CNOT4: variants seen among roughly 807,000 people sequenced by gnomAD.
The protein encoded by CNOT4 is CCR4-NOT transcription complex subunit 4, also known as CCR4-associated factor 4.
A neutral mutation model predicts 73.8 loss-of-function variants in CNOT4; 8 were observed. The observed-to-expected ratio is 0.11, with a 90% CI of 0.06 to 0.20. CNOT4 has a LOEUF of 0.20. Among genes scored for constraint, CNOT4 ranks in the 10% least tolerant of loss-of-function variants. The pLI is 1.00. For synonymous variants in CNOT4, 293 were observed against 321.1 expected, an observed-to-expected ratio of 0.91 and a Z score of 0.94; for missense variants, 564 against 883.4, an observed-to-expected ratio of 0.64 and a Z score of 4.58.
At chr7:135,499,089 A>T (rs1350121783) in intron 1 of CNOT4, among the ~76,000 whole-genome samples, 1 of 152,214 alleles carries the variant, frequency 6.6e-6, no homozygotes, top group Non-Finnish European at 1.5e-5. Context: ...TGACATATTA[A>T]AAGATAGGGA....
chr7:135,411,643 C>T (rs544647591), intron 6 of CNOT4, among the ~76,000 whole-genome samples: 1 of 152,008 alleles, frequency 6.6e-6, no homozygotes, highest in African/African-American at 2.4e-5. Context: ...TTACTATTTG[C>T]ATGTATATCT....
At chr7:135,420,404 C>T (rs1056263173) in intron 3 of CNOT4, among the ~76,000 whole-genome samples, 10 of 151,696 alleles carry the variant, frequency 6.6e-5, no homozygotes, top group African/African-American at 2.2e-4. Flanking sequence ...TGGCAAAACC[C>T]CATCTCTGCA....
chr7:135,480,941 A>T (rs1471395098), intron 1 of CNOT4, among the ~76,000 whole-genome samples: 2 of 151,936 alleles, frequency 1.3e-5, no homozygotes, highest in African/African-American at 4.8e-5. Flanking sequence ...CCATATTAAA[A>T]AAATAGTCAA....
intron 9 of CNOT4, among the ~76,000 whole-genome samples, chr7:135,395,270 C>A (rs923154941): frequency 6.6e-6 from 1 of 151,862 alleles, no homozygotes; most frequent in Non-Finnish European, 1.5e-5. Flanking sequence ...ATCACTTGAA[C>A]CCAGGGTGTG....
intron 10 of CNOT4, among the ~76,000 whole-genome samples, chr7:135,381,750 A>G (rs2129482924): frequency 6.6e-6 from 1 of 152,296 alleles, no homozygotes; most frequent in East Asian, 1.9e-4. Flanking sequence ...TGCATCATAC[A>G]CTTTAAAATA....
chr7:135,470,103 G>A (rs112587216), intron 1 of CNOT4, among the ~76,000 whole-genome samples: 6 of 151,888 alleles, frequency 4.0e-5, no homozygotes, highest in South Asian at 4.2e-4. Flanking sequence ...GATTACAGGA[G>A]TGAGACACCG....
At chr7:135,394,561 A>G (rs1796578216) in intron 9 of CNOT4, 146 bp from the exon 10 acceptor site, 1 of 675,566 alleles carries the variant, frequency 1.5e-6, no homozygotes, top group Admixed American at 2.8e-5. Flanking sequence ...CATTAAGATC[A>G]TATAATTACA....
chr7:135,429,668 C>G (rs1336803767), intron 2 of CNOT4, among the ~76,000 whole-genome samples: 1 of 152,188 alleles, frequency 6.6e-6, no homozygotes, highest in Non-Finnish European at 1.5e-5. Context: ...CACTCTTCCA[C>G]TTCCAGCCAT....
chr7:135,455,240 C>A (rs1188165737), intron 1 of CNOT4, among the ~76,000 whole-genome samples: 1 of 151,198 alleles, frequency 6.6e-6, no homozygotes, highest in Non-Finnish European at 1.5e-5. Context: ...TACCAGTGCA[C>A]TCCAGCCTCG....
intron 7 of CNOT4, among the ~76,000 whole-genome samples, chr7:135,404,955 T>A (rs889333304): frequency 6.6e-6 from 1 of 152,164 alleles, no homozygotes; most frequent in Non-Finnish European, 1.5e-5. Context: ...AAACTACATA[T>A]AGTTATGGCA....
chr7:135,467,223 T>C (rs995909067), intron 1 of CNOT4, among the ~76,000 whole-genome samples: 1 of 152,226 alleles, frequency 6.6e-6, no homozygotes, highest in Non-Finnish European at 1.5e-5. Context: ...ATAAATTTAC[T>C]AAGCACTCTG....
intron 3 of CNOT4, among the ~76,000 whole-genome samples, chr7:135,415,919 T>C (rs1278610165): frequency 1.3e-5 from 2 of 152,134 alleles, no homozygotes; most frequent in Non-Finnish European, 2.9e-5. Flanking sequence ...ACACGTTTCT[T>C]TCTTTATTAC....
At chr7:135,467,360 T>C (rs1384830505) in intron 1 of CNOT4, among the ~76,000 whole-genome samples, 1 of 152,148 alleles carries the variant, frequency 6.6e-6, no homozygotes, top group Non-Finnish European at 1.5e-5. Context: ...GCCACTACTT[T>C]CCCCACCATC....
At chr7:135,505,333 T>C (rs1804293271) in intron 1 of CNOT4, among the ~76,000 whole-genome samples, 1 of 152,096 alleles carries the variant, frequency 6.6e-6, no homozygotes, top group South Asian at 2.1e-4. Flanking sequence ...GGCGGGCAGA[T>C]CACGAGGTCA....
chr7:135,498,976 T>G (rs1359105338), intron 1 of CNOT4, among the ~76,000 whole-genome samples: 1 of 152,220 alleles, frequency 6.6e-6, no homozygotes, highest in Admixed American at 6.5e-5. Context: ...GGCTAAAGGA[T>G]CTTTTAAAGG....
intron 7 of CNOT4, among the ~76,000 whole-genome samples, chr7:135,404,569 T>G (rs1336710839): frequency 6.6e-6 from 1 of 152,216 alleles, no homozygotes; most frequent in Non-Finnish European, 1.5e-5. Flanking sequence ...CTATGAACTA[T>G]GTCTTTTCTA....
chr7:135,398,119 G>T, intron 8 of CNOT4, 50 bp downstream of exon 8: 2 of 997,874 alleles, frequency 2.0e-6, no homozygotes, highest in Non-Finnish European at 3.2e-6. Flanking sequence ...GGAATACCTT[G>T]CTTTCGGAGT....
At chr7:135,475,288 G>A (rs866804590) in intron 1 of CNOT4, among the ~76,000 whole-genome samples, 5 of 152,004 alleles carry the variant, frequency 3.3e-5, no homozygotes, top group African/African-American at 9.7e-5. Context: ...CAAAAGAAAC[G>A]AAGATATTCT....
intron 1 of CNOT4, among the ~76,000 whole-genome samples, chr7:135,491,210 T>A (rs1803088302): frequency 6.6e-6 from 1 of 152,028 alleles, no homozygotes; most frequent in Non-Finnish European, 1.5e-5. Flanking sequence ...AAATAAGGAG[T>A]TACGGAGAGA....
Sources: allele counts gnomAD v4.1 joint callset (sites outside exome capture counted in the v4.1 genomes callset), GRCh38; gene constraint gnomAD v4.1.1; transcripts MANE v1.5; gene names NCBI Gene and HGNC (gene_info 2026-07-23, HGNC 2026-07-21).